The following EVPL variants were observed in gnomAD, a reference collection of about 807,000 sequenced individuals.
The protein encoded by EVPL is envoplakin.
Under a neutral mutation model 129.7 loss-of-function variants are expected in EVPL, and 94 were observed. The ratio of observed to expected loss-of-function variants is 0.72; its 90% CI spans 0.61 to 0.86. The LOEUF is 0.86. Among genes scored for constraint, EVPL ranks in the 40% least tolerant of loss-of-function variants. The pLI is 0.00. For missense variants in EVPL, 2,625 were observed against 2,721.1 expected, an observed-to-expected ratio of 0.96 and a Z score of 0.79; for synonymous variants, 1,172 against 1,191.1, an observed-to-expected ratio of 0.98 and a Z score of 0.33.
chr17:76,009,844 C>T lies in EVPL; in HGVS notation c.3361G>A (p.Glu1121Lys), dbSNP rs747537304. The change falls in exon 22 of 22, where the codon GAA becomes AAA. Residue 1121 changes from glutamate to lysine, a missense_variant. Around this residue, in one of 4 missense-constraint regions of EVPL, gnomAD observed 1,453 missense variants for 1,511.8 expected, o/e 0.96. Transcript: ENST00000301607. The surrounding 1 kb of genome is among the most constrained non-coding windows in gnomAD (Gnocchi z 5.9). ...EAVAKLQARI[E>K]DLERAISSVE... ...GAGCTGATAGCCCGCTCCAGGTCTTCGATGCGAGCCTGTAGCTTGGCCACA... is the reference window on the plus strand; with the variant it reads ...GAGCTGATAGCCCGCTCCAGGTCTTTGATGCGAGCCTGTAGCTTGGCCACA... 13 of 1,613,894 alleles carry T rather than the reference C, an allele frequency of 8.1e-6. No homozygotes were observed. The highest frequency in any genetic ancestry group is 3.3e-5 in the South Asian group (3 of 91,082).
chr17:76,008,162 G>C lies in EVPL; in HGVS notation c.5043C>G (p.Asn1681Lys), dbSNP rs371584664. ...LSQETQTRET[N>K]LSTKISILEP... ...CCAGGATGGAGATCTTGGTGGAAAG[G>C]TTGGTCTCTCGCGTCTGGGTCTCCT... Residue 1681 changes from asparagine to lysine, a missense_variant, in exon 22 of 22, where the codon AAC becomes AAG. Physicochemically the swap from Asn to Lys is moderately conservative, Grantham distance 94. Around this residue, in one of 4 missense-constraint regions of EVPL, gnomAD observed 1,453 missense variants for 1,511.8 expected, o/e 0.96. Coordinates refer to ENST00000301607, the MANE Select transcript of EVPL (RefSeq NM_001988.4). The surrounding 1 kb of genome is among the most constrained non-coding windows in gnomAD (Gnocchi z 7.4). 8 of 1,614,056 alleles carry C rather than the reference G, an allele frequency of 5.0e-6. No individual in the cohort carries two copies. Among genetic ancestry groups the C allele is most frequent in the Middle Eastern group, 3.3e-4 (2 of 6,084 alleles).
chr17:76,011,919 G>C, intron 19 of EVPL, 37 bp from the exon 20 acceptor site: 1 of 1,607,944 alleles, frequency 6.2e-7, no homozygotes. Flanking sequence ...CTGGCAACCA[G>C]TGGGGGAGGC....
intron 13 of EVPL, 80 bp from the exon 14 acceptor site, chr17:76,017,991 G>A (rs2066429937): frequency 3.2e-6 from 5 of 1,582,188 alleles, no homozygotes; most frequent in South Asian, 2.3e-5. Context: ...TGCCCACAGA[G>A]GGTCCTGTCG....
rs755513899 is a variant in EVPL at position 76,008,760 on chromosome 17, C to T, written c.4445G>A (p.Arg1482Gln). ...PDLEKSTEAL[R>Q]WDLDQEKTQV... ...GGTCTTCTCCTGGTCCAGGTCCCAC[C>T]GCAGGGCTTCCGTGGACTTCTCCAG... The change falls in exon 22 of 22, where the codon CGG becomes CAG. Residue 1482 changes from arginine to glutamine, a missense_variant. Coordinates refer to ENST00000301607, the MANE Select transcript of EVPL (RefSeq NM_001988.4). The surrounding 1 kb of genome is among the most constrained non-coding windows in gnomAD (Gnocchi z 7.4). 1.2e-5 allele frequency: 19 copies of T among 1,614,036 alleles called. No individual in the cohort carries two copies. The Admixed American group carries it at 1.7e-4, about 14-fold the overall frequency.
In EVPL at chr17:76,007,551, C is replaced by T. The variant is rs1234142562; in HGVS notation, c.5654G>A (p.Arg1885Lys). Residue 1885 changes from arginine to lysine, a missense_variant, in exon 22 of 22, where the codon AGG (arginine) becomes AAG (lysine). Arg to Lys is a conservative substitution (Grantham distance 26). Coordinates refer to ENST00000301607, the MANE Select transcript of EVPL (RefSeq NM_001988.4). The surrounding 1 kb of genome is among the most constrained non-coding windows in gnomAD (Gnocchi z 8.8). ...TGTGGAGGTGTTCTCGATCAGGCCC[C>T]TCTCCATCGCCTTGTGCACAGAGTA... ...ERYSVHKAME[R>K]GLIENTSTQR... The T allele has an allele frequency of 2.5e-6, 4 of 1,613,930 alleles. No individual in the cohort carries two copies. Among genetic ancestry groups the T allele is most frequent in the Non-Finnish European group, 3.4e-6 (4 of 1,180,056 alleles).
rs200414091 is a variant in EVPL, at chr17:76,009,291, C to G, written c.3914G>C (p.Arg1305Pro). ...CACCGTCTTGGTCTCCACCTTGGCC[C>G]GCTCGCGCCTCCACTCGTCGCGCTC... ...QGERDEWRRERAKVETKTVSK... is the reference protein window; with the variant it reads ...QGERDEWRREPAKVETKTVSK... Residue 1305 changes from arginine to proline, a missense_variant, in exon 22 of 22, where the codon CGG becomes CCG. Coordinates refer to ENST00000301607, the MANE Select transcript of EVPL (RefSeq NM_001988.4). The surrounding 1 kb of genome is among the most constrained non-coding windows in gnomAD (Gnocchi z 5.9). 60 of 1,608,170 alleles carry G rather than the reference C, an allele frequency of 3.7e-5. No individual in the cohort carries two copies. Among genetic ancestry groups the G allele is most frequent in the Non-Finnish European group, 4.2e-5 (50 of 1,179,840 alleles).
chr17:76,014,589 G>C lies in EVPL; in HGVS notation c.2223-13C>G, dbSNP rs1296821343. On this transcript the variant is annotated splice_polypyrimidine_tract_variant and intron_variant, in intron 17 of 21. Transcript: ENST00000301607. ...CACCACCTTCTCCCTGCAGGAGGAC[G>C]AGGCCCAGAACAGAGATAAGACCTG... 6.2e-7 allele frequency: 1 copy of C among 1,610,860 alleles called. No individual in the cohort carries two copies.
intron 21 of EVPL, 31 bp from the exon 22 acceptor site, chr17:76,010,574 G>A (rs62090078): frequency 0.029 from 45,185 of 1,574,020 alleles, 769 homozygotes; most frequent in Non-Finnish European, 0.034. Flanking sequence ...AGAGCACGGG[G>A]TGGGCGGTAG....
chr17:76,018,881 AT>A, intron 11 of EVPL, 32 bp downstream of exon 11: 1 of 1,500,980 alleles, frequency 6.7e-7, no homozygotes, highest in Non-Finnish European at 8.9e-7. Flanking sequence ...GCGGGGCTGG[AT>A]GGTGGCAGGG....
In EVPL at chr17:76,009,871, C is replaced by A. The variant is rs1347266868; in HGVS notation, c.3334G>T (p.Ala1112Ser). ...ATGCGAGCCTGTAGCTTGGCCACAG[C>A]CTCCTCCGCCTGCTTCCTCCGCGCA... ...DAARRKQAEE[A>S]VAKLQARIED... Residue 1112 changes from alanine to serine, a missense_variant, in exon 22 of 22, where the codon GCT becomes TCT. Physicochemically the swap from Ala to Ser is moderately conservative, Grantham distance 99 (BLOSUM62 1). Transcript: ENST00000301607. The surrounding 1 kb of genome is among the most constrained non-coding windows in gnomAD (Gnocchi z 5.9). 2 of 1,614,106 alleles carry A rather than the reference C, an allele frequency of 1.2e-6. No individual in the cohort carries two copies. Among genetic ancestry groups the A allele is most frequent in the Non-Finnish European group, 1.7e-6 (2 of 1,180,040 alleles).
At position 76,009,645 on chromosome 17, in the gene EVPL, C is replaced by T. The variant is rs752994504; in HGVS notation, c.3560G>A (p.Arg1187Lys). 3.7e-6 allele frequency: 6 copies of T among 1,613,702 alleles called. No homozygotes were observed. In the African/African-American group the frequency reaches 6.7e-5, roughly 18 times the overall value. Residue 1187 changes from arginine to lysine, a missense_variant, in exon 22 of 22, where the codon AGG (arginine) becomes AAG (lysine). Coordinates refer to ENST00000301607, the MANE Select transcript of EVPL (RefSeq NM_001988.4). This position sits in a 1 kb window ranked among gnomAD's most constrained non-coding sequence, Gnocchi z 5.9. ...GCGCTCCTGGAGCTGCACTTTGGGC[C>T]TCTGCTTCTCCACCACGCTGTACTT... ...HSKYSVVEKQ[R>K]PKVQLQERVH...
chr17:76,011,974 G>A, intron 19 of EVPL, 32 bp downstream of exon 19: 5 of 1,606,154 alleles, frequency 3.1e-6, no homozygotes, highest in South Asian at 1.1e-5. Flanking sequence ...GGTGATGCAT[G>A]GAGAGGGGCA....
rs2066476108 is a variant in EVPL, at chr17:76,023,345, G to A, written c.427C>T (p.Pro143Ser). Reference protein sequence around the residue: ...YRALYEKMVLPPDVGPRVDWA... With the variant: ...YRALYEKMVLSPDVGPRVDWA... ...TCGACCCTGGGTCCCACGTCGGGGG[G>A]CAGCACCATCTTCTCGTACAGGGCA... The change falls in exon 4 of 22, where the codon CCC becomes TCC. Residue 143 changes from proline to serine, a missense_variant. Transcript: ENST00000301607. 1.2e-6 allele frequency: 2 copies of A among 1,613,930 alleles called. No homozygotes were observed. The highest frequency in any genetic ancestry group is 1.7e-6 in the Non-Finnish European group (2 of 1,180,010).
In EVPL at chr17:76,019,065, C is replaced by T. The variant is rs751647347; in HGVS notation, c.1138-5G>A. 7.4e-5 allele frequency: 116 copies of T among 1,570,624 alleles called. No homozygotes were observed. The highest frequency in any genetic ancestry group is 9.5e-5 in the Non-Finnish European group (111 of 1,166,946). On this transcript the variant is annotated splice_region_variant and splice_polypyrimidine_tract_variant and intron_variant, in intron 10 of 21. Transcript: ENST00000301607. ...GGCCAGCCGTTTTTCCTCTGCCTGC[C>T]GGGGGCCCAGGCAGTGGGGGACTCA...
chr17:76,011,980 GGGCAAGCTGAA>G lies in EVPL; in HGVS notation c.2457+15_2457+25del, dbSNP rs1408518689. 21 of 1,608,150 alleles carry G rather than the reference GGGCAAGCTGAA, an allele frequency of 1.3e-5. No individual in the cohort carries two copies. Among genetic ancestry groups the G allele is most frequent in the Non-Finnish European group, 1.8e-5 (21 of 1,176,204 alleles). On this transcript the variant is annotated intron_variant, in intron 19 of 21. Transcript: ENST00000301607. ...AGGGACAAGGGTGATGCATGGAGAGGGGCAAGCTGAAGGCAAGCTGCTTACCTGGAGCGCTG... is the reference window on the plus strand; with the variant it reads ...AGGGACAAGGGTGATGCATGGAGAGGGGCAAGCTGCTTACCTGGAGCGCTG...
At chr17:76,014,663 T>C (rs1353738047) in intron 17 of EVPL, 87 bp from the exon 18 acceptor site, 6 of 1,524,618 alleles carry the variant, frequency 3.9e-6, no homozygotes, top group South Asian at 1.2e-5. Context: ...GGGAGCCTCC[T>C]CCTGGGGGCA....
rs1309525993 is a variant in EVPL at position 76,012,013 on chromosome 17, G to A, written c.2450C>T (p.Ala817Val). The change falls in exon 19 of 22, where the codon GCG becomes GTG. Residue 817 changes from alanine (A) to valine (V), a missense_variant. Transcript: ENST00000301607. The part of the protein sequence containing the change: ...ASHLSQALQA[A>V]LQDYELQADT... ...TGAAGGCAAGCTGCTTACCTGGAGC[G>A]CTGCCTGCAGGGCCTGGGAGAGGTG... 9 of 1,612,400 alleles carry A rather than the reference G, an allele frequency of 5.6e-6. No homozygotes were observed. The highest frequency in any genetic ancestry group is 1.3e-5 in the African/African-American group (1 of 74,906).
rs144381707 is a variant in EVPL at position 76,011,660 on chromosome 17, G to A, written c.2577C>T (p.Asn859=). ...CAACCTCAGTATAGGCCTTTGCAAG[G>A]TTCTTCTCCTGGAGAAGGCAGAGGG... ...LQESIQAQEK[N]LAKAYTEVAA... The change falls in exon 21 of 22, where the codon AAC becomes AAT. Residue 859 remains asparagine, a synonymous_variant. Coordinates refer to ENST00000301607, the MANE Select transcript of EVPL (RefSeq NM_001988.4). The A allele has an allele frequency of 3.7e-6, 6 of 1,614,028 alleles. No individual in the cohort carries two copies. Among genetic ancestry groups the A allele is most frequent in the Non-Finnish European group, 5.1e-6 (6 of 1,179,986 alleles).
chr17:76,019,632 C>T lies in EVPL; in HGVS notation c.1033G>A (p.Val345Ile). ...YRRFQEEADS[V>I]SQTLAKLNSN... Reference sequence around the variant, plus strand: ...TTGAGCTTCGCCAGGGTCTGGCTGACTGAGTCGGCCTCTTCCTGGAACTGA... The same window carrying T: ...TTGAGCTTCGCCAGGGTCTGGCTGATTGAGTCGGCCTCTTCCTGGAACTGA... Residue 345 changes from valine to isoleucine, a missense_variant, in exon 10 of 22, where the codon GTC becomes ATC. Around this residue, in one of 4 missense-constraint regions of EVPL, gnomAD observed 1,024 missense variants for 997.5 expected, o/e 1.03. Transcript: ENST00000301607. 6.2e-7 allele frequency: 1 copy of T among 1,610,826 alleles called. No homozygotes were observed. Among genetic ancestry groups the T allele is most frequent in the Non-Finnish European group, 8.5e-7 (1 of 1,178,590 alleles).
Sources: allele counts gnomAD v4.1 joint callset, GRCh38; gene constraint gnomAD v4.1.1; regional missense constraint gnomAD v4.1.1; non-coding constraint Gnocchi (gnomAD v3.1); transcripts MANE v1.5; gene names NCBI Gene and HGNC (gene_info 2026-07-23, HGNC 2026-07-21).